Variants in TRPM3 observed in about 807,000 individuals in gnomAD.
The protein encoded by TRPM3 is long transient receptor potential channel 3.
A neutral mutation model predicts 181.2 loss-of-function variants in TRPM3; 77 were observed. That is an observed-to-expected ratio of 0.42 (90% CI 0.35 to 0.51). The LOEUF is 0.51. Among genes scored for constraint, TRPM3 ranks in the 20% least tolerant of loss-of-function variants. TRPM3 has a pLI of 0.01. For missense variants in TRPM3, 1,759 were observed against 2,196.7 expected (o/e 0.80, Z 3.98); for synonymous variants, 745 against 796.4 (o/e 0.94, Z 1.09).
chr9:71,393,383 A>G (rs1238976294), intron 1 of TRPM3, among the ~76,000 whole-genome samples: 1 of 152,176 alleles, frequency 6.6e-6, no homozygotes, highest in Non-Finnish European at 1.5e-5. Context: ...GCCTAGGTTG[A>G]AAAGAATAAA....
chr9:71,219,379 G>C (rs2080096057), intron 1 of TRPM3, among the ~76,000 whole-genome samples: 2 of 152,150 alleles, frequency 1.3e-5, no homozygotes, highest in Non-Finnish European at 2.9e-5. Flanking sequence ...ACTGTAGTAA[G>C]TTTTGGTGAC....
At chr9:71,021,672 G>A (rs1412668734) in intron 1 of TRPM3, among the ~76,000 whole-genome samples, 2 of 152,104 alleles carry the variant, frequency 1.3e-5, no homozygotes, top group South Asian at 2.1e-4. Flanking sequence ...GGTATAAGAC[G>A]AAATATTTGA....
At chr9:71,017,003 G>C (rs1170072749) in intron 1 of TRPM3, among the ~76,000 whole-genome samples, 1 of 152,094 alleles carries the variant, frequency 6.6e-6, no homozygotes, top group Admixed American at 6.5e-5. Flanking sequence ...ATACTACAAA[G>C]TTATAAATGT....
intron 8 of TRPM3, among the ~76,000 whole-genome samples, chr9:70,690,294 A>G (rs1235040915): frequency 6.6e-6 from 1 of 152,218 alleles, no homozygotes; most frequent in Non-Finnish European, 1.5e-5. Context: ...TAGATAATCA[A>G]CAAAGAAAGT....
At chr9:71,412,858 T>C (rs1035419696) in intron 1 of TRPM3, among the ~76,000 whole-genome samples, 1 of 152,114 alleles carries the variant, frequency 6.6e-6, no homozygotes, top group African/African-American at 2.4e-5. Context: ...CAAATGTCCA[T>C]CAATGATAGA....
chr9:71,116,073 C>T (rs2072307546), intron 1 of TRPM3, among the ~76,000 whole-genome samples: 1 of 152,140 alleles, frequency 6.6e-6, no homozygotes, highest in South Asian at 2.1e-4. Flanking sequence ...CATTAAAATT[C>T]TGCCTAACAA....
rs1335531975 is a variant in TRPM3, at chr9:70,531,107, C to T, written c.*4846G>A. 6.6e-6 allele frequency: 1 copy of T among 152,240 alleles called. No homozygotes were observed. The highest frequency in any genetic ancestry group is 1.5e-5 in the Non-Finnish European group (1 of 68,052). 9.4% of individuals were successfully genotyped at this position (152,240 alleles called of 1,614,324 possible). A position where few individuals can be genotyped will look rare whatever the true frequency, so the allele number is the denominator to read the frequency against. ...CTATCACAAATGGACTTTTCGCTCT[C>T]ATCTCCGGCTTAGCAATTTGCACCC... On this transcript the variant is annotated 3_prime_UTR_variant, in exon 26 of 26. Transcript: ENST00000677713.
intron 1 of TRPM3, among the ~76,000 whole-genome samples, chr9:70,949,154 G>T (rs2096968217): frequency 6.6e-6 from 1 of 152,108 alleles, no homozygotes; most frequent in Admixed American, 6.6e-5. Flanking sequence ...GAGGGAGGCA[G>T]TAATCAATAG....
chr9:71,248,017 G>A (rs1268607994), intron 1 of TRPM3, among the ~76,000 whole-genome samples: 1 of 152,102 alleles, frequency 6.6e-6, no homozygotes, highest in Non-Finnish European at 1.5e-5. Flanking sequence ...TCCTTCTCAG[G>A]GTCTTCAATC....
chr9:70,627,265 CTTTTT>C (rs1175860330), intron 12 of TRPM3, among the ~76,000 whole-genome samples: 2 of 79,580 alleles, frequency 2.5e-5, no homozygotes, highest in South Asian at 6.1e-4. Flanking sequence ...TCCATTGCTG[CTTTTT>C]TTTTTTTTTT....
intron 1 of TRPM3, among the ~76,000 whole-genome samples, chr9:70,961,925 ACT>A (rs2097140051): frequency 6.6e-6 from 1 of 152,116 alleles, no homozygotes; most frequent in South Asian, 2.1e-4. Flanking sequence ...TTTCATAGAG[ACT>A]CTAATTTTTT....
At chr9:71,286,545 A>G (rs1401745220) in intron 1 of TRPM3, among the ~76,000 whole-genome samples, 1 of 152,210 alleles carries the variant, frequency 6.6e-6, no homozygotes, top group African/African-American at 2.4e-5. Context: ...GGGACAGGAA[A>G]AGAGATATTC....
rs1018167129 is a variant in TRPM3 at position 71,333,622 on chromosome 9, G to A, written c.183+113031C>T. On this transcript the variant is annotated intron_variant, in intron 1 of 24. Coordinates refer to the TRPM3 transcript ENST00000357533. Reference sequence around the variant, plus strand: ...GAACGGAATTCCTCCAACAACCACGGGAGTCAGCTGAAATAGTCCTCTTCC... The same window carrying A: ...GAACGGAATTCCTCCAACAACCACGAGAGTCAGCTGAAATAGTCCTCTTCC... 7.9e-5 allele frequency among the ~76,000 whole-genome samples: 12 copies of A among 151,830 alleles called. 2 individuals are homozygous for A. The highest frequency in any genetic ancestry group is 1.5e-5 in the Non-Finnish European group (1 of 67,944).
At chr9:71,279,280 T>C (rs989397460) in intron 1 of TRPM3, among the ~76,000 whole-genome samples, 1 of 151,958 alleles carries the variant, frequency 6.6e-6, no homozygotes, top group Non-Finnish European at 1.5e-5. Flanking sequence ...CCAGATCCAC[T>C]GGGTAGAAAA....
chr9:71,268,948 G>A (rs140204538), intron 1 of TRPM3, among the ~76,000 whole-genome samples: 3 of 152,294 alleles, frequency 2.0e-5, no homozygotes, highest in Non-Finnish European at 2.9e-5. Context: ...TAAGGTTAGA[G>A]GCCATCTCAG....
In TRPM3 at chr9:71,121,410, T is replaced by C; in HGVS notation, c.-56A>G. On this transcript the variant is annotated 5_prime_UTR_variant, in exon 1 of 26. Transcript: ENST00000677713. ...ATTAGGGCAGAGGCTTCCTGGAACT[T>C]GGAAGACTAGTCAAGTAGCCTTGCC... is the stretch of plus-strand genomic sequence containing the variant. 1 of 1,581,366 alleles carries C rather than the reference T, an allele frequency of 6.3e-7. No individual in the cohort carries two copies. The highest frequency in any genetic ancestry group is 8.6e-7 in the Non-Finnish European group (1 of 1,165,144).
At chr9:70,652,616 A>T (rs1215348524) in intron 9 of TRPM3, among the ~76,000 whole-genome samples, 1 of 152,212 alleles carries the variant, frequency 6.6e-6, no homozygotes, top group Non-Finnish European at 1.5e-5. Context: ...GCTCACAAAA[A>T]ATCTGTACAG....
At chr9:70,632,434 C>A (rs1589566686) in intron 12 of TRPM3, among the ~76,000 whole-genome samples, 1 of 152,322 alleles carries the variant, frequency 6.6e-6, no homozygotes, top group East Asian at 1.9e-4. Context: ...GTTCATCTTT[C>A]TTGCTCTCCC....
At chr9:71,385,926 C>A (rs1182723705) in intron 1 of TRPM3, among the ~76,000 whole-genome samples, 1 of 151,586 alleles carries the variant, frequency 6.6e-6, no homozygotes, top group Non-Finnish European at 1.5e-5. Context: ...AGGCTGGTCT[C>A]AAACTCCTGA....
Sources: allele counts gnomAD v4.1 joint callset (sites outside exome capture counted in the v4.1 genomes callset), GRCh38; gene constraint gnomAD v4.1.1; transcripts MANE v1.5; gene names NCBI Gene and HGNC (gene_info 2026-07-23, HGNC 2026-07-21).